The following COL11A2 variants were observed in gnomAD, a reference collection of about 807,000 sequenced individuals.
COL11A2 encodes collagen type XI alpha 2 chain.
Under a neutral mutation model 273.4 loss-of-function variants are expected in COL11A2, and 116 were observed. The ratio of observed to expected loss-of-function variants is 0.42; its 90% confidence interval spans 0.36 to 0.49. The LOEUF (loss-of-function observed/expected upper bound fraction) is 0.49, where lower values mean the gene tolerates loss of function less well. Ranked by LOEUF, COL11A2 falls within the 20% of genes least tolerant of loss-of-function variation. COL11A2 has a pLI of 0.00. For missense variants in COL11A2, 1,866 were observed against 2,309.0 expected (o/e 0.81, Z 3.93); for synonymous variants, 782 against 864.2 (o/e 0.90, Z 1.67).
Position 33,166,910 on chromosome 6 carries a change from G to C in COL11A2, c.4231-83C>G. The stretch of plus-strand genomic sequence containing the variant: ...GAAGGGCCAAGAGGACATGGAGAGG[G>C]AGCCGGGCACAGGGTCCGTGAGTGG... On this transcript the variant is annotated intron_variant, in intron 58 of 65. Coordinates refer to ENST00000341947, the MANE Select transcript of COL11A2 (RefSeq NM_080680.3). This position sits in a 1 kb window ranked among gnomAD's most constrained non-coding sequence, Gnocchi z 4.8. The C allele has an allele frequency of 1.3e-6, 2 of 1,535,854 alleles. No homozygotes were observed. Among genetic ancestry groups the C allele is most frequent in the East Asian group, 4.7e-5 (2 of 42,712 alleles).
Position 33,192,322 on chromosome 6 carries a change from G to A in COL11A2, c.-82C>T. The A allele has an allele frequency of 7.4e-7, 1 of 1,357,824 alleles. No individual in the cohort carries two copies. 84.1% of individuals were successfully genotyped at this position (1,357,824 alleles called of 1,614,324 possible). A position where few individuals can be genotyped will look rare whatever the true frequency, so the allele number is the denominator to read the frequency against. ...TGCCCTGAGGCTGACAGAAGACAGG[G>A]AGCAGACTATGAGCCTCAGACGCCG... On this transcript the variant is annotated 5_prime_UTR_variant, in exon 1 of 66. Transcript: ENST00000341947.
Position 33,173,488 on chromosome 6 carries a change from C to CA in COL11A2, c.2682+13_2682+14insT. 6.2e-7 allele frequency: 1 copy of CA among 1,611,298 alleles called. No individual in the cohort carries two copies. Among genetic ancestry groups the CA allele is most frequent in the South Asian group, 1.1e-5 (1 of 90,996 alleles). The stretch of plus-strand genomic sequence containing the variant: ...CAGAGAAGCGAGGTGGGTCAGAGCT[C>CA]GGGGTCAACTTACCGGGGGTCCTTT... On this transcript the variant is annotated intron_variant, in intron 36 of 65. Transcript: ENST00000341947. This position sits in a 1 kb window ranked among gnomAD's most constrained non-coding sequence, Gnocchi z 6.3.
At chr6:33,180,096 G>GCCCCATCT in intron 12 of COL11A2, among the ~76,000 whole-genome samples, 162 bp downstream of exon 12, 1 of 152,210 alleles carries the variant, frequency 6.6e-6, no homozygotes, top group Admixed American at 6.5e-5. Flanking sequence ...ACCTAATGAG[G>GCCCCATCT]CCCCATCTCC....
Position 33,174,073 on chromosome 6 carries a change from G to A in COL11A2, c.2485-18C>T. On this transcript the variant is annotated intron_variant, in intron 32 of 65. Coordinates refer to ENST00000341947, the MANE Select transcript of COL11A2 (RefSeq NM_080680.3). ...GACAGGCCCTGGTGGGAATGAAGCA[G>A]AGAGAACATTACCCAGGGTGAGACT... The A allele has an allele frequency of 6.2e-7, 1 of 1,613,688 alleles. No homozygotes were observed. The highest frequency in any genetic ancestry group is 8.5e-7 in the Non-Finnish European group (1 of 1,179,988).
At chr6:33,174,687 C>A (rs1562344078) in intron 30 of COL11A2, 107 bp from the exon 31 acceptor site, 3 of 957,592 alleles carry the variant, frequency 3.1e-6, no homozygotes, top group Non-Finnish European at 4.9e-6. Context: ...CCCAGCAACA[C>A]ACCCCACACA....
rs1395321487 is a variant in COL11A2, at chr6:33,171,139, C to T, written c.3341G>A (p.Gly1114Asp). 6.3e-7 allele frequency: 1 copy of T among 1,594,700 alleles called. No homozygotes were observed. Among genetic ancestry groups the T allele is most frequent in the Non-Finnish European group, 8.5e-7 (1 of 1,169,708 alleles). ...CGCTGCTCCAGGCTGCCCCACAGGACCAATGGGTCCAGGGGGTCCAGGAGG... is the reference window on the plus strand; with the variant it reads ...CGCTGCTCCAGGCTGCCCCACAGGATCAATGGGTCCAGGGGGTCCAGGAGG... ...HGPPGPPGPI[G>D]PVGQPGAAGA... The change falls in exon 45 of 66, where the codon GGT (glycine) becomes GAT (aspartate). Residue 1114 changes from glycine to aspartate, a missense_variant. By Grantham distance (94) the Gly-to-Asp change is moderately conservative. Transcript: ENST00000341947.
Position 33,163,645 on chromosome 6 carries a change from G to A in COL11A2, c.*33C>T. The A allele has an allele frequency of 6.2e-7, 1 of 1,613,024 alleles. No individual in the cohort carries two copies. Among genetic ancestry groups the A allele is most frequent in the East Asian group, 2.2e-5 (1 of 44,878 alleles). On this transcript the variant is annotated 3_prime_UTR_variant, in exon 66 of 66. Coordinates refer to ENST00000341947, the MANE Select transcript of COL11A2 (RefSeq NM_080680.3). This position sits in a 1 kb window ranked among gnomAD's most constrained non-coding sequence, Gnocchi z 4.1. ...TGTTGTGGGATTCCAGGTGGGCCTGGTTCCGAATGGACAGGATCAGACAGA... is the reference window on the plus strand; with the variant it reads ...TGTTGTGGGATTCCAGGTGGGCCTGATTCCGAATGGACAGGATCAGACAGA...
rs186104309 is a variant in COL11A2 at position 33,169,236 on chromosome 6, G to A, written c.3798+147C>T. 1,032 of 783,728 alleles carry A rather than the reference G, an allele frequency of 1.3e-3. 7 individuals carry two copies. In the African/African-American group the frequency reaches 0.017, roughly 13 times the overall value. The allele number at this position is 783,728 out of a possible 1,614,324, so 48.5% of individuals were successfully genotyped here. The stretch of plus-strand genomic sequence containing the variant: ...TTTCTCTCCGGATCCTAGACCCCAG[G>A]CATCCCTCTGGATGCCCCATTCCCA... On this transcript the variant is annotated intron_variant, in intron 51 of 65. Coordinates refer to ENST00000341947, the MANE Select transcript of COL11A2 (RefSeq NM_080680.3). The surrounding 1 kb of genome is among the most constrained non-coding windows in gnomAD (Gnocchi z 5.5).
chr6:33,179,682 C>A lies in COL11A2; in HGVS notation c.1446+37G>T. On this transcript the variant is annotated intron_variant, in intron 13 of 65. Coordinates refer to ENST00000341947, the MANE Select transcript of COL11A2 (RefSeq NM_080680.3). The surrounding 1 kb of genome is among the most constrained non-coding windows in gnomAD (Gnocchi z 6.4). ...TCCAGCCAACCCTTCCAGTGCCCCC[C>A]AGAGCCTTCCCTTTCCAGGGAAGCA... 2 of 1,607,912 alleles carry A rather than the reference C, an allele frequency of 1.2e-6. No homozygotes were observed. Among genetic ancestry groups the A allele is most frequent in the Non-Finnish European group, 1.7e-6 (2 of 1,178,486 alleles).
Position 33,177,909 on chromosome 6 carries a change from T to C in COL11A2, c.1873-203A>G, listed in dbSNP as rs1259855451. The C allele has an allele frequency of 5.2e-6, 4 of 766,558 alleles. No individual in the cohort carries two copies. In the African/African-American group the frequency reaches 7.0e-5, roughly 13 times the overall value. 47.5% of individuals were successfully genotyped at this position (766,558 alleles called of 1,614,324 possible). Reference sequence around the variant, plus strand: ...CTTTGGTTTTGTTTTTCTTGAAGATTTATTTCCTATGCCCAGAGCCCTCAG... The same window carrying C: ...CTTTGGTTTTGTTTTTCTTGAAGATCTATTTCCTATGCCCAGAGCCCTCAG... On this transcript the variant is annotated intron_variant, in intron 21 of 65. Coordinates refer to ENST00000341947, the MANE Select transcript of COL11A2 (RefSeq NM_080680.3). This position sits in a 1 kb window ranked among gnomAD's most constrained non-coding sequence, Gnocchi z 5.9.
rs1375598752 is a variant in COL11A2 at position 33,165,486 on chromosome 6, T to C, written c.4750+63A>G. Reference sequence around the variant, plus strand: ...TTCACCAAGACTCCCCCAGCATCCATTCTGCTTGTTCAGTACCCATGCTGT... The same window carrying C: ...TTCACCAAGACTCCCCCAGCATCCACTCTGCTTGTTCAGTACCCATGCTGT... On this transcript the variant is annotated intron_variant, in intron 63 of 65. Transcript: ENST00000341947. The surrounding 1 kb of genome is among the most constrained non-coding windows in gnomAD (Gnocchi z 7.7). 2 of 1,600,714 alleles carry C rather than the reference T, an allele frequency of 1.2e-6. No homozygotes were observed. The highest frequency in any genetic ancestry group is 1.7e-6 in the Non-Finnish European group (2 of 1,178,384).
chr6:33,170,253 G>A lies in COL11A2; in HGVS notation c.3582+73C>T, dbSNP rs961563367. 6.3e-7 allele frequency: 1 copy of A among 1,582,830 alleles called. No individual in the cohort carries two copies. Among genetic ancestry groups the A allele is most frequent in the Non-Finnish European group, 8.6e-7 (1 of 1,156,148 alleles). Reference sequence around the variant, plus strand: ...TCTTGGCCCCTGAGACGATACTAGAGTTTATGGTCTGGGAAAGGGAGGCAG... The same window carrying A: ...TCTTGGCCCCTGAGACGATACTAGAATTTATGGTCTGGGAAAGGGAGGCAG... On this transcript the variant is annotated intron_variant, in intron 48 of 65. Coordinates refer to ENST00000341947, the MANE Select transcript of COL11A2 (RefSeq NM_080680.3). This position sits in a 1 kb window ranked among gnomAD's most constrained non-coding sequence, Gnocchi z 4.3.
chr6:33,186,839 T>C (rs780681077), intron 4 of COL11A2, 21 bp from the exon 5 acceptor site: 11 of 1,613,438 alleles, frequency 6.8e-6, no homozygotes, highest in Admixed American at 5.0e-5. Flanking sequence ...ATGAGAGAGA[T>C]GGAGCGGAGA....
In COL11A2 at chr6:33,178,717, C is replaced by G. The variant is rs1238092307; in HGVS notation, c.1681G>C (p.Asp561His). ...DPGVKGDRGFDGLPGLPGEKG... is the reference protein window; with the variant it reads ...DPGVKGDRGFHGLPGLPGEKG... ...TCTCCAGGGAGCCCTGGGAGTCCATCAAAACCTCGGTCACCCTAGGAGGAG... is the reference window on the plus strand; with the variant it reads ...TCTCCAGGGAGCCCTGGGAGTCCATGAAAACCTCGGTCACCCTAGGAGGAG... Residue 561 changes from aspartate to histidine, a missense_variant, in exon 18 of 66, where the codon GAT becomes CAT. Physicochemically the swap from Asp to His is moderately conservative, Grantham distance 81. Transcript: ENST00000341947. This position sits in a 1 kb window ranked among gnomAD's most constrained non-coding sequence, Gnocchi z 4.6. The G allele has an allele frequency of 1.9e-6, 3 of 1,612,644 alleles. No individual in the cohort carries two copies. The South Asian group carries it at 3.3e-5, about 18-fold the overall frequency.
Position 33,188,494 on chromosome 6 carries a change from G to A in COL11A2, c.474C>T (p.Gly158=), listed in dbSNP as rs772164006. ...AGTCAACAATGAGGGTGACAGACTG[G>A]CCCTTCACAGCCACAGCCACACGGT... The part of the protein sequence containing the change: ...KWHRVAVAVK[G]QSVTLIVDCK... The change falls in exon 4 of 66, where the codon GGC becomes GGT. Residue 158 remains glycine, a synonymous_variant. Coordinates refer to ENST00000341947, the MANE Select transcript of COL11A2 (RefSeq NM_080680.3). 6.2e-7 allele frequency: 1 copy of A among 1,613,076 alleles called. No individual in the cohort carries two copies. The highest frequency in any genetic ancestry group is 8.5e-7 in the Non-Finnish European group (1 of 1,180,048).
Position 33,164,740 on chromosome 6 carries a change from A to G in COL11A2, c.4863+112T>C. 1 of 899,624 alleles carries G rather than the reference A, an allele frequency of 1.1e-6. No individual in the cohort carries two copies. Among genetic ancestry groups the G allele is most frequent in the Non-Finnish European group, 1.7e-6 (1 of 573,638 alleles). The allele number at this position is 899,624 out of a possible 1,614,324, so 55.7% of individuals were successfully genotyped here. A position where few individuals can be genotyped will look rare whatever the true frequency, so the allele number is the denominator to read the frequency against. On this transcript the variant is annotated intron_variant, in intron 64 of 65. Transcript: ENST00000341947. The surrounding 1 kb of genome is among the most constrained non-coding windows in gnomAD (Gnocchi z 4.7). Reference sequence around the variant, plus strand: ...AGCTAAGAAGTGGAGAAGGGGTGGCAGGCTCCGGGGGGGGCAACAGCCAGG... The same window carrying G: ...AGCTAAGAAGTGGAGAAGGGGTGGCGGGCTCCGGGGGGGGCAACAGCCAGG...
At chr6:33,171,950 C>T in intron 41 of COL11A2, 100 bp downstream of exon 41, 1 of 1,542,560 alleles carries the variant, frequency 6.5e-7, no homozygotes, top group Non-Finnish European at 9.0e-7. Context: ...AGCCTCTGCC[C>T]AGCCCCACAG....
rs1489936423 is a variant in COL11A2, at chr6:33,178,535, C to G, written c.1720-47G>C. On this transcript the variant is annotated intron_variant, in intron 18 of 65. Transcript: ENST00000341947. This position sits in a 1 kb window ranked among gnomAD's most constrained non-coding sequence, Gnocchi z 4.6. ...AAGAGGGGCTTCAGAGCCCCCAACA[C>G]AGGCAGACACCGAACCTCTGCACTT... The G allele has an allele frequency of 1.2e-6, 2 of 1,611,642 alleles. No homozygotes were observed. Among genetic ancestry groups the G allele is most frequent in the Non-Finnish European group, 1.7e-6 (2 of 1,178,832 alleles).
intron 5 of COL11A2, 112 bp from the exon 6 acceptor site, chr6:33,185,890 A>T (rs914931375): frequency 1.2e-5 from 5 of 427,488 alleles, no homozygotes; most frequent in African/African-American, 1.0e-4. Context: ...GAAACGGGGG[A>T]GGTGTGGAGT....
Sources: allele counts gnomAD v4.1 joint callset (sites outside exome capture counted in the v4.1 genomes callset), GRCh38; gene constraint gnomAD v4.1.1; non-coding constraint Gnocchi (gnomAD v3.1); transcripts MANE v1.5; gene names NCBI Gene and HGNC (gene_info 2026-07-23, HGNC 2026-07-21).